The following RAE1 variants were observed in gnomAD, a reference collection of about 807,000 sequenced individuals.
RAE1 encodes the protein ribonucleic acid export 1.
In RAE1, 13 loss-of-function variants were observed where a neutral mutation model predicts 52.7. The ratio of observed to expected loss-of-function variants is 0.25; its 90% CI spans 0.16 to 0.39. The LOEUF (loss-of-function observed/expected upper bound fraction) is 0.39. Ranked by LOEUF, RAE1 falls within the 10% of genes least tolerant of loss-of-function variation. The pLI, the probability that RAE1 is intolerant of heterozygous loss-of-function variation, is 1.00. For missense variants in RAE1, 262 were observed against 459.8 expected (o/e 0.57, Z 3.93); for synonymous variants, 164 against 153.1 (o/e 1.07, Z -0.52).
chr20:57,366,204 A>C (rs1319522794), intron 5 of RAE1, among the ~76,000 whole-genome samples: 1 of 152,150 alleles, frequency 6.6e-6, no homozygotes, highest in African/African-American at 2.4e-5. Context: ...ATGAGTAAAA[A>C]AATTAAAGTT....
At chr20:57,356,649 C>G in intron 4 of RAE1, 111 bp downstream of exon 4, 1 of 1,008,240 alleles carries the variant, frequency 9.9e-7, no homozygotes. Context: ...TGTAGGAATT[C>G]TAAGTTTCTG....
chr20:57,357,694 A>T (rs2066812779), intron 4 of RAE1: 1 of 152,208 alleles, frequency 6.6e-6, no homozygotes, highest in African/African-American at 2.4e-5. Flanking sequence ...GATAATATTC[A>T]TGTATTCTGC....
intron 4 of RAE1, chr20:57,358,819 GGTT>G: frequency 4.3e-6 from 2 of 466,998 alleles, no homozygotes; most frequent in Non-Finnish European, 7.4e-6. Context: ...TGTGGTCTTA[GGTT>G]GTTAGGAGGT....
chr20:57,378,331 T>C lies in RAE1; in HGVS notation c.*232T>C, dbSNP rs1240425268. 1 of 474,462 alleles carries C rather than the reference T, an allele frequency of 2.1e-6. No homozygotes were observed. Among genetic ancestry groups the C allele is most frequent in the African/African-American group, 1.9e-5 (1 of 51,902 alleles). 29.4% of individuals were successfully genotyped at this position (474,462 alleles called of 1,614,324 possible). On this transcript the variant is annotated 3_prime_UTR_variant, in exon 12 of 12. Coordinates refer to ENST00000395841, the MANE Select transcript of RAE1 (RefSeq NM_003610.4). ...TCTGTAACTAAGGGGGTTGAGGTTA[T>C]TGTAGACGTTAGATTGCGGGCACCG...
At chr20:57,354,347 A>C (rs1449980422) in intron 2 of RAE1, among the ~76,000 whole-genome samples, 3 of 152,252 alleles carry the variant, frequency 2.0e-5, no homozygotes, top group African/African-American at 7.2e-5. Context: ...CCCAAGGTGC[A>C]GATTCCGGTG....
rs780052876 is a variant in RAE1, at chr20:57,354,708, G to C, written c.91-4G>C. 1 of 1,553,000 alleles carries C rather than the reference G, an allele frequency of 6.4e-7. No homozygotes were observed. Among genetic ancestry groups the C allele is most frequent in the East Asian group, 2.4e-5 (1 of 41,604 alleles). ...ACATTTTAACATTGACTTTTTTCCC[G>C]CAGGATATTGAAGTAACATCATCTC... On this transcript the variant is annotated splice_region_variant and splice_polypyrimidine_tract_variant and intron_variant, in intron 2 of 11. Transcript: ENST00000395841.
At chr20:57,354,691 A>C in intron 2 of RAE1, 21 bp from the exon 3 acceptor site, 1 of 1,532,948 alleles carries the variant, frequency 6.5e-7, no homozygotes, top group South Asian at 1.2e-5. Context: ...ATACATTTTA[A>C]CATTGACTTT....
At chr20:57,370,373 C>T (rs1181952632) in intron 8 of RAE1, among the ~76,000 whole-genome samples, 2 of 152,328 alleles carry the variant, frequency 1.3e-5, no homozygotes, top group East Asian at 3.9e-4. Flanking sequence ...CAGCCTCTTA[C>T]CCGCTACCTC....
chr20:57,356,601 T>C, intron 4 of RAE1, 63 bp downstream of exon 4: 1 of 1,410,428 alleles, frequency 7.1e-7, no homozygotes, highest in Middle Eastern at 1.8e-4. Context: ...TTAGAATATT[T>C]AATAATCCAA....
chr20:57,351,682 C>T (rs1600699788), intron 1 of RAE1: 3 of 985,478 alleles, frequency 3.0e-6, no homozygotes, highest in African/African-American at 1.7e-5. Context: ...GTGTGTGTCG[C>T]CTCTGTCCCT....
At chr20:57,360,835 G>A (rs2066881312) in intron 4 of RAE1, among the ~76,000 whole-genome samples, 1 of 152,202 alleles carries the variant, frequency 6.6e-6, no homozygotes, top group Non-Finnish European at 1.5e-5. Context: ...CTGTGGGGGT[G>A]TGGTTGAGCA....
At chr20:57,367,401 G>T (rs1157461385) in intron 7 of RAE1, among the ~76,000 whole-genome samples, 2 of 152,154 alleles carry the variant, frequency 1.3e-5, no homozygotes, top group South Asian at 2.1e-4. Flanking sequence ...CAGTAAGTTT[G>T]TGAGGTGGTA....
intron 8 of RAE1, 38 bp downstream of exon 8, chr20:57,368,850 A>G: frequency 6.6e-7 from 1 of 1,508,702 alleles, no homozygotes; most frequent in Non-Finnish European, 9.2e-7. Context: ...TGTATTTAGC[A>G]CCTGTTGTAT....
intron 3 of RAE1, 116 bp downstream of exon 3, chr20:57,354,932 T>C (rs944290818): frequency 2.8e-6 from 2 of 717,758 alleles, no homozygotes; most frequent in African/African-American, 1.9e-5. Context: ...TATGGCCTTT[T>C]TTGAGAAATC....
intron 2 of RAE1, 62 bp from the exon 3 acceptor site, chr20:57,354,650 A>G: frequency 7.1e-6 from 9 of 1,261,172 alleles, no homozygotes; most frequent in Non-Finnish European, 9.8e-6. Flanking sequence ...AGTGAGAAAG[A>G]AAACAATTTG....
intron 11 of RAE1, 125 bp downstream of exon 11, chr20:57,374,926 C>T (rs1411222086): frequency 9.5e-7 from 1 of 1,057,604 alleles, no homozygotes; most frequent in East Asian, 2.5e-5. Context: ...AGGTCACCGT[C>T]CCCTCCCTGT....
chr20:57,361,993 T>C (rs922978540), intron 4 of RAE1, among the ~76,000 whole-genome samples: 6 of 152,188 alleles, frequency 3.9e-5, no homozygotes, highest in Admixed American at 3.9e-4. Context: ...TCACAGGAGC[T>C]CGAACCCTGT....
At chr20:57,370,559 G>A (rs2067021696) in intron 8 of RAE1, among the ~76,000 whole-genome samples, 1 of 152,198 alleles carries the variant, frequency 6.6e-6, no homozygotes, top group Admixed American at 6.5e-5. Context: ...TGGACACCCA[G>A]TCGGACAGCT....
rs547720946 is a variant in RAE1, at chr20:57,355,381, CTTTTT to C, written c.195+569_195+573del. 3.3e-5 allele frequency among the ~76,000 whole-genome samples: 5 copies of C among 151,994 alleles called. No homozygotes were observed. In the South Asian group the frequency reaches 8.3e-4, roughly 25 times the overall value. ...TAATCAGATAAATGCAAATTTAAGACTTTTTTTTATTAAATTAACAAAATTAAAAG... is the reference window on the plus strand; with the variant it reads ...TAATCAGATAAATGCAAATTTAAGACTTTATTAAATTAACAAAATTAAAAG... On this transcript the variant is annotated intron_variant, in intron 3 of 11. Coordinates refer to ENST00000395841, the MANE Select transcript of RAE1 (RefSeq NM_003610.4).
Sources: gnomAD v4.1 joint callset for allele counts (sites outside exome capture counted in the v4.1 genomes callset) on GRCh38, gnomAD v4.1.1 for gene constraint, MANE v1.5 for transcripts, NCBI Gene and HGNC (gene_info 2026-07-23, HGNC 2026-07-21) for gene names.